Variants in CDH6 observed in about 807,000 individuals in gnomAD.
CDH6 encodes cadherin-6.
A neutral mutation model predicts 78.0 loss-of-function variants in CDH6; 31 were observed. The ratio of observed to expected loss-of-function variants is 0.40; its 90% CI spans 0.30 to 0.54. The LOEUF is 0.54. Among genes scored for constraint, CDH6 ranks in the 20% least tolerant of loss-of-function variants. CDH6 has a pLI of 0.56. For synonymous variants in CDH6, 376 were observed against 368.8 expected, an observed-to-expected ratio of 1.02 and a Z score of -0.23; for missense variants, 724 against 975.9, an observed-to-expected ratio of 0.74 and a Z score of 3.44.
At position 31,199,685 on chromosome 5, in the gene CDH6, G is replaced by GTGTGTA. The variant is rs796740950; in HGVS notation, c.-129+5800_-129+5801insGTGTAT. On this transcript the variant is annotated intron_variant, in intron 1 of 11. Transcript: ENST00000265071. ...TGTGTGTGTATGTGTGTGTGTGTGT[G>GTGTGTA]TATATATATATATATATATATATAT... Among the ~76,000 whole-genome samples the GTGTGTA allele has an allele frequency of 6.8e-3, 539 of 79,814 alleles. 7 individuals carry two copies. Among genetic ancestry groups the GTGTGTA allele is most frequent in the African/African-American group, 0.016 (337 of 21,110 alleles). 52.4% of individuals were successfully genotyped at this position (79,814 alleles called of 152,430 possible).
intron 1 of CDH6, among the ~76,000 whole-genome samples, chr5:31,206,759 T>C (rs1204584139): frequency 6.6e-6 from 1 of 152,204 alleles, no homozygotes; most frequent in Non-Finnish European, 1.5e-5. Context: ...ATGTTTTCTA[T>C]TCGCCCATAC....
intron 1 of CDH6, among the ~76,000 whole-genome samples, chr5:31,228,976 A>C (rs1407099995): frequency 6.6e-6 from 1 of 152,224 alleles, no homozygotes; most frequent in Non-Finnish European, 1.5e-5. Context: ...AAAGTACAAA[A>C]GTACCTTATA....
intron 1 of CDH6, among the ~76,000 whole-genome samples, chr5:31,237,721 C>T (rs1272716230): frequency 2.0e-5 from 3 of 152,190 alleles, no homozygotes; most frequent in African/African-American, 4.8e-5. Context: ...ATCCTCAATT[C>T]TTTTCACACC....
intron 1 of CDH6, among the ~76,000 whole-genome samples, chr5:31,198,640 A>T (rs1223878783): frequency 1.3e-5 from 2 of 152,164 alleles, no homozygotes; most frequent in Non-Finnish European, 2.9e-5. Flanking sequence ...GAAAAAATTA[A>T]CTTGGGGAAG....
intron 1 of CDH6, among the ~76,000 whole-genome samples, chr5:31,263,058 T>C (rs61298769): frequency 0.02 from 3,106 of 152,272 alleles, 112 homozygotes; most frequent in South Asian, 0.15. Flanking sequence ...ATTGTTTTAG[T>C]TCATTTTCTA....
chr5:31,309,805 A>G (rs1473786520), intron 7 of CDH6, among the ~76,000 whole-genome samples: 1 of 152,296 alleles, frequency 6.6e-6, no homozygotes, highest in South Asian at 2.1e-4. Flanking sequence ...AGTGCCACAC[A>G]CTTTTGAACC....
At chr5:31,297,009 G>A (rs1465164155) in intron 3 of CDH6, among the ~76,000 whole-genome samples, 2 of 152,116 alleles carry the variant, frequency 1.3e-5, no homozygotes, top group African/African-American at 2.4e-5. Context: ...TAAAGCAAGA[G>A]TCCAGTCAAA....
chr5:31,284,750 C>G (rs1742969304), intron 2 of CDH6, among the ~76,000 whole-genome samples: 1 of 152,228 alleles, frequency 6.6e-6, no homozygotes, highest in East Asian at 1.9e-4. Flanking sequence ...GCCAGAACCA[C>G]AGATGCCACT....
intron 2 of CDH6, among the ~76,000 whole-genome samples, chr5:31,288,054 C>G (rs949146270): frequency 2.0e-5 from 3 of 152,176 alleles, no homozygotes; most frequent in Admixed American, 2.0e-4. Flanking sequence ...CTGGTGGAAA[C>G]CAGGTCACTG....
chr5:31,221,472 C>CA (rs765032646), intron 1 of CDH6, among the ~76,000 whole-genome samples: 1 of 152,206 alleles, frequency 6.6e-6, no homozygotes, highest in South Asian at 2.1e-4. Flanking sequence ...CTAGAATTTT[C>CA]AAAAAACTTA....
intron 1 of CDH6, among the ~76,000 whole-genome samples, chr5:31,201,199 T>C (rs2111774326): frequency 6.6e-6 from 1 of 152,292 alleles, no homozygotes; most frequent in South Asian, 2.1e-4. Flanking sequence ...AAGATAAGGA[T>C]GTAGGCTTCT....
chr5:31,232,779 G>A (rs1340054793), intron 1 of CDH6, among the ~76,000 whole-genome samples: 2 of 152,136 alleles, frequency 1.3e-5, no homozygotes, highest in Non-Finnish European at 2.9e-5. Context: ...ATCTGTTGAG[G>A]AAATTATAAA....
chr5:31,258,974 G>A (rs989565032), intron 1 of CDH6, among the ~76,000 whole-genome samples: 8 of 152,160 alleles, frequency 5.3e-5, no homozygotes, highest in Non-Finnish European at 1.0e-4. Flanking sequence ...CTGCATGACC[G>A]TGGACAAGCT....
chr5:31,245,419 T>C (rs558862517), intron 1 of CDH6, among the ~76,000 whole-genome samples: 1 of 152,278 alleles, frequency 6.6e-6, no homozygotes, highest in African/African-American at 2.4e-5. Flanking sequence ...TTTTCCTCTG[T>C]CTTTCCCTTT....
chr5:31,220,442 G>T (rs541112695), intron 1 of CDH6, among the ~76,000 whole-genome samples: 1 of 152,076 alleles, frequency 6.6e-6, no homozygotes, highest in African/African-American at 2.4e-5. Context: ...ATTAAAGTGA[G>T]GGATGCCAAA....
chr5:31,266,219 C>G (rs564360273), intron 1 of CDH6, among the ~76,000 whole-genome samples: 1 of 152,128 alleles, frequency 6.6e-6, no homozygotes, highest in Admixed American at 6.5e-5. Context: ...TTTGGGACAT[C>G]TGTACCAAGC....
intron 1 of CDH6, among the ~76,000 whole-genome samples, chr5:31,216,738 C>CA (rs1269249390): frequency 1.4e-5 from 2 of 144,894 alleles, no homozygotes; most frequent in Non-Finnish European, 3.0e-5. Context: ...AGGTTTTATA[C>CA]AAAAAATTCA....
At chr5:31,248,534 C>T (rs921174893) in intron 1 of CDH6, among the ~76,000 whole-genome samples, 2 of 152,154 alleles carry the variant, frequency 1.3e-5, no homozygotes, top group South Asian at 2.1e-4. Context: ...ACTTTAAGGA[C>T]TTGTTTTAGA....
intron 1 of CDH6, among the ~76,000 whole-genome samples, chr5:31,257,247 C>T (rs1240789202): frequency 6.6e-6 from 1 of 152,194 alleles, no homozygotes; most frequent in Non-Finnish European, 1.5e-5. Flanking sequence ...ACTGCAAGCT[C>T]CGCCTCCCGG....
Sources: gnomAD v4.1 joint callset for allele counts (sites outside exome capture counted in the v4.1 genomes callset) on GRCh38, gnomAD v4.1.1 for gene constraint, MANE v1.5 for transcripts, NCBI Gene and HGNC (gene_info 2026-07-23, HGNC 2026-07-21) for gene names.